Variants in CALN1 observed in about 807,000 individuals in gnomAD.
CALN1 encodes calneuron 1, also known as calcium-binding protein 8.
A neutral mutation model predicts 30.6 loss-of-function variants in CALN1; 17 were observed. The ratio of observed to expected loss-of-function variants is 0.56; its 90% CI spans 0.38 to 0.83. The LOEUF (loss-of-function observed/expected upper bound fraction) is 0.83, where lower values mean the gene tolerates loss of function less well. Among genes scored for constraint, CALN1 ranks in the 40% least tolerant of loss-of-function variants. CALN1 has a pLI of 0.00. For synonymous variants in CALN1, 156 were observed against 131.4 expected (o/e 1.19, Z -1.28); for missense variants, 291 against 354.9 (o/e 0.82, Z 1.45).
intron 3 of CALN1, among the ~76,000 whole-genome samples, chr7:72,107,554 C>A (rs900710503): frequency 6.6e-6 from 1 of 152,214 alleles, no homozygotes; most frequent in African/African-American, 2.4e-5. Context: ...GAGTCCCCTT[C>A]TCCAGAGCCA....
intron 3 of CALN1, among the ~76,000 whole-genome samples, chr7:72,109,929 C>T (rs1807444037): frequency 6.6e-6 from 1 of 152,188 alleles, no homozygotes; most frequent in Admixed American, 6.5e-5. Flanking sequence ...GGGTTTTACA[C>T]TGGGGCCAGG....
At chr7:71,867,911 T>A (rs1181932954) in intron 5 of CALN1, among the ~76,000 whole-genome samples, 5 of 152,230 alleles carry the variant, frequency 3.3e-5, no homozygotes, top group Non-Finnish European at 7.3e-5. Context: ...TTCTTACTTA[T>A]TTATGAGGAC....
chr7:72,153,246 G>C (rs983298663), intron 3 of CALN1, among the ~76,000 whole-genome samples: 1 of 152,152 alleles, frequency 6.6e-6, no homozygotes, highest in Non-Finnish European at 1.5e-5. Flanking sequence ...ACCTACGCGT[G>C]GGCTGCTCCA....
At chr7:72,274,792 G>C (rs1797233197) in intron 3 of CALN1, among the ~76,000 whole-genome samples, 1 of 152,124 alleles carries the variant, frequency 6.6e-6, no homozygotes, top group African/African-American at 2.4e-5. Context: ...AAAAATGGAT[G>C]AATGAATGAA....
At chr7:72,236,633 AAAATCAAATT>A (rs1348791215) in intron 3 of CALN1, among the ~76,000 whole-genome samples, 7 of 152,222 alleles carry the variant, frequency 4.6e-5, no homozygotes, top group Non-Finnish European at 7.3e-5. Context: ...GCTCATCGCA[AAAATCAAATT>A]ATCCCTACAA....
At chr7:71,795,539 A>G (rs1321822155) in intron 6 of CALN1, among the ~76,000 whole-genome samples, 1 of 152,216 alleles carries the variant, frequency 6.6e-6, no homozygotes, top group Non-Finnish European at 1.5e-5. Flanking sequence ...CGTTTAACAC[A>G]TTCGCGAGAT....
At position 71,827,775 on chromosome 7, in the gene CALN1, AAAATAAAT is replaced by A. The variant is rs10646245; in HGVS notation, c.502-17291_502-17284del. Among the ~76,000 whole-genome samples the A allele has an allele frequency of 1.1e-3, 151 of 140,336 alleles. 2 individuals are homozygous for A. Among genetic ancestry groups the A allele is most frequent in the Middle Eastern group, 3.6e-3 (1 of 278 alleles). 92.1% of individuals were successfully genotyped at this position (140,336 alleles called of 152,430 possible). Reference sequence around the variant, plus strand: ...TGACAGAGTGAGACTCCATCTTAAAAAAATAAATAAATAAATAAATAAATAAATAAATA... The same window carrying A: ...TGACAGAGTGAGACTCCATCTTAAAAAAATAAATAAATAAATAAATAAATA... On this transcript the variant is annotated intron_variant, in intron 5 of 6. Coordinates refer to ENST00000395275, the MANE Select transcript of CALN1 (RefSeq NM_031468.4).
intron 2 of CALN1, among the ~76,000 whole-genome samples, chr7:72,377,675 T>C (rs1258391231): frequency 1.3e-5 from 2 of 152,200 alleles, no homozygotes; most frequent in Middle Eastern, 3.2e-3. Flanking sequence ...GACAACTTTG[T>C]TCAGTTAGCT....
intron 4 of CALN1, among the ~76,000 whole-genome samples, chr7:72,069,762 C>A (rs987116016): frequency 1.3e-5 from 2 of 152,126 alleles, no homozygotes; most frequent in Non-Finnish European, 2.9e-5. Flanking sequence ...CTTTGGGAGG[C>A]CATTTTTCAG....
At chr7:71,848,042 C>T (rs750427729) in intron 5 of CALN1, among the ~76,000 whole-genome samples, 3 of 152,080 alleles carry the variant, frequency 2.0e-5, no homozygotes, top group Non-Finnish European at 4.4e-5. Context: ...CAGAAATACC[C>T]GCAATAGTGT....
chr7:72,415,592 A>T (rs542703229), upstream of CALN1, among the ~76,000 whole-genome samples: 90 of 152,368 alleles, frequency 5.9e-4, no homozygotes, highest in Non-Finnish European at 8.7e-4. Flanking sequence ...CACACAAGTA[A>T]CACAAGAAGA....
the CALN1 span, among the ~76,000 whole-genome samples, chr7:72,458,210 T>TA: frequency 1.8e-5 from 2 of 111,450 alleles, no homozygotes; most frequent in African/African-American, 6.8e-5. Flanking sequence ...TATAATATAT[T>TA]TTATAATATA....
chr7:72,078,727 G>A (rs1167466515), intron 4 of CALN1, among the ~76,000 whole-genome samples: 4 of 152,194 alleles, frequency 2.6e-5, no homozygotes, highest in Admixed American at 2.0e-4. Flanking sequence ...CCTGAGGTCA[G>A]GAGATGAAGA....
chr7:72,143,187 A>G (rs1336719024), intron 3 of CALN1, among the ~76,000 whole-genome samples: 2 of 152,204 alleles, frequency 1.3e-5, no homozygotes, highest in Non-Finnish European at 2.9e-5. Flanking sequence ...GAGCTAAAGG[A>G]GGAAGTTTGA....
intron 3 of CALN1, among the ~76,000 whole-genome samples, chr7:72,241,581 C>G (rs576899409): frequency 6.6e-6 from 1 of 152,238 alleles, no homozygotes; most frequent in East Asian, 1.9e-4. Context: ...TGGCGCATGC[C>G]TGTAATCCCA....
chr7:72,000,275 C>A (rs1413665481), intron 5 of CALN1, among the ~76,000 whole-genome samples: 1 of 151,862 alleles, frequency 6.6e-6, no homozygotes, highest in African/African-American at 2.4e-5. Flanking sequence ...AATTGACACA[C>A]CTCTAGCAAC....
At chr7:72,112,062 T>TA (rs373502696) in intron 3 of CALN1, among the ~76,000 whole-genome samples, 124 of 151,902 alleles carry the variant, frequency 8.2e-4, no homozygotes, top group African/African-American at 2.5e-3. Context: ...TCTTTTTTCT[T>TA]AAAAAAAAGT....
intron 3 of CALN1, among the ~76,000 whole-genome samples, chr7:72,232,809 T>C (rs1182382484): frequency 6.6e-6 from 1 of 152,184 alleles, no homozygotes; most frequent in Non-Finnish European, 1.5e-5. Context: ...ACATATGATA[T>C]ATTGAAATTT....
intron 5 of CALN1, among the ~76,000 whole-genome samples, chr7:71,982,547 T>C (rs1039121186): frequency 2.8e-4 from 42 of 152,130 alleles, no homozygotes; most frequent in African/African-American, 9.9e-4. Context: ...TGAGTCAAGA[T>C]CACGCCATTG....
Sources: gnomAD v4.1 joint callset for allele counts (sites outside exome capture counted in the v4.1 genomes callset) on GRCh38, gnomAD v4.1.1 for gene constraint, MANE v1.5 for transcripts, NCBI Gene and HGNC (gene_info 2026-07-23, HGNC 2026-07-21) for gene names.